Variants in EDN1 observed in about 807,000 individuals in gnomAD.
EDN1 encodes the protein endothelin-1.
In EDN1, 11 loss-of-function variants were observed where a neutral mutation model predicts 21.7. That is an observed-to-expected ratio of 0.51 (90% CI 0.32 to 0.84). The LOEUF (loss-of-function observed/expected upper bound fraction) is 0.84. Among genes scored for constraint, EDN1 ranks in the 40% least tolerant of loss-of-function variants. The probability of loss-of-function intolerance (pLI) is 0.03; values close to 1 mark genes in which losing one functional copy is unlikely to be tolerated. For synonymous variants in EDN1, 85 were observed against 90.6 expected, an observed-to-expected ratio of 0.94 and a Z score of 0.35; for missense variants, 244 against 262.3, an observed-to-expected ratio of 0.93 and a Z score of 0.48.
chr6:12,251,501 G>GATAGAAGT, the EDN1 span, among the ~76,000 whole-genome samples: 1 of 152,194 alleles, frequency 6.6e-6, no homozygotes, highest in Non-Finnish European at 1.5e-5. Context: ...AGGTGACCCT[G>GATAGAAGT]ATAGAAGTGC....
chr6:12,253,720 A>G, the EDN1 span, among the ~76,000 whole-genome samples: 2 of 152,176 alleles, frequency 1.3e-5, no homozygotes, highest in East Asian at 1.9e-4. Flanking sequence ...ATAAAAGTCA[A>G]CACATTCAAA....
chr6:12,237,542 T>C, the EDN1 span, among the ~76,000 whole-genome samples: 1 of 152,158 alleles, frequency 6.6e-6, no homozygotes, highest in African/African-American at 2.4e-5. Context: ...GGGACATCAG[T>C]AAGCAAGAGA....
the EDN1 span, among the ~76,000 whole-genome samples, chr6:12,257,164 T>C: frequency 4.6e-5 from 7 of 152,234 alleles, no homozygotes; most frequent in African/African-American, 1.7e-4. Context: ...CAAGGCCAGA[T>C]ATATTTAAAA....
chr6:12,246,571 C>T, the EDN1 span, among the ~76,000 whole-genome samples: 1 of 152,138 alleles, frequency 6.6e-6, no homozygotes, highest in East Asian at 1.9e-4. Context: ...GTGTAAATGT[C>T]AAGGCTGTGT....
the EDN1 span, among the ~76,000 whole-genome samples, chr6:12,273,423 T>C: frequency 6.6e-6 from 1 of 152,160 alleles, no homozygotes; most frequent in Admixed American, 6.5e-5. Context: ...AACTTAAAAA[T>C]TTTAATAAGG....
chr6:12,261,482 T>C, the EDN1 span, among the ~76,000 whole-genome samples: 1 of 152,202 alleles, frequency 6.6e-6, no homozygotes, highest in South Asian at 2.1e-4. Context: ...TAATGATGGT[T>C]GTGCTGCTCC....
At chr6:12,255,640 A>G in the EDN1 span, among the ~76,000 whole-genome samples, 21 of 152,348 alleles carry the variant, frequency 1.4e-4, no homozygotes, top group South Asian at 3.7e-3. Context: ...GTCTGCTTCA[A>G]CTGGCTTTCT....
the EDN1 span, among the ~76,000 whole-genome samples, chr6:12,231,700 A>G: frequency 6.6e-6 from 1 of 152,144 alleles, no homozygotes; most frequent in African/African-American, 2.4e-5. Context: ...GAAAGACACT[A>G]TAACCCTGAC....
the EDN1 span, among the ~76,000 whole-genome samples, chr6:12,256,361 A>G: frequency 2.6e-5 from 4 of 152,240 alleles, no homozygotes; most frequent in Non-Finnish European, 4.4e-5. Flanking sequence ...AAACAAAACA[A>G]AACCGCAAAA....
At position 12,296,021 on chromosome 6, in the gene EDN1, A is replaced by G. The variant is rs764236555; in HGVS notation, c.593A>G (p.Lys198Arg). 12 of 1,614,118 alleles carry G rather than the reference A, an allele frequency of 7.4e-6. No individual in the cohort carries two copies. The South Asian group carries it at 1.1e-4, about 15-fold the overall frequency. ...SSFHDPKLKG[K>R]PSRERYVTHN... The stretch of plus-strand genomic sequence containing the variant: ...TTTCATGATCCCAAGCTGAAAGGCA[A>G]GCCCTCCAGAGAGCGTTATGTGACC... Residue 198 changes from lysine to arginine, a missense_variant, in exon 5 of 5, where the codon AAG becomes AGG. Coordinates refer to ENST00000379375, the MANE Select transcript of EDN1 (RefSeq NM_001955.5).
intron 1 of EDN1, among the ~76,000 whole-genome samples, chr6:12,291,145 A>G (rs1295571464): frequency 6.6e-6 from 1 of 151,974 alleles, no homozygotes; most frequent in Non-Finnish European, 1.5e-5. Context: ...AAGGAATTGT[A>G]TCCAGTCGTT....
upstream of EDN1, among the ~76,000 whole-genome samples, chr6:12,289,576 T>C (rs1038843923): frequency 3.3e-5 from 5 of 152,204 alleles, no homozygotes; most frequent in African/African-American, 1.2e-4. Context: ...ATCTTAAGAT[T>C]TAAGTTCTGT....
chr6:12,255,042 G>T, the EDN1 span, among the ~76,000 whole-genome samples: 41 of 152,242 alleles, frequency 2.7e-4, no homozygotes, highest in African/African-American at 9.1e-4. Context: ...CAAGAAGCAG[G>T]TAATTTCTTT....
chr6:12,254,558 T>G, the EDN1 span, among the ~76,000 whole-genome samples: 1 of 152,226 alleles, frequency 6.6e-6, no homozygotes, highest in Non-Finnish European at 1.5e-5. Flanking sequence ...CAGAAGGGGT[T>G]TTAATATTAA....
chr6:12,294,459 A>G (rs1762771924), intron 4 of EDN1, 55 bp downstream of exon 4: 1 of 1,603,456 alleles, frequency 6.2e-7, no homozygotes. Flanking sequence ...AACTAGCCCC[A>G]GTCAGTGATG....
chr6:12,239,227 G>A, the EDN1 span, among the ~76,000 whole-genome samples: 4 of 152,156 alleles, frequency 2.6e-5, no homozygotes, highest in Admixed American at 6.5e-5. Flanking sequence ...TGGCTGTGAT[G>A]TATATTACAC....
chr6:12,253,835 T>A, the EDN1 span, among the ~76,000 whole-genome samples: 701 of 152,258 alleles, frequency 4.6e-3, 4 homozygotes, highest in African/African-American at 0.015. Context: ...TGGGCATCAT[T>A]CTTTACTCCT....
chr6:12,291,227 CCCG>C (rs199711907), intron 1 of EDN1, among the ~76,000 whole-genome samples: 2,676 of 105,266 alleles, frequency 0.025, 87 homozygotes, highest in African/African-American at 0.068. Flanking sequence ...TCCCCCCCCC[CCCG>C]CCACCACCCC....
the EDN1 span, among the ~76,000 whole-genome samples, chr6:12,254,393 G>A: frequency 3.9e-5 from 6 of 152,056 alleles, no homozygotes; most frequent in Admixed American, 6.6e-5. Flanking sequence ...AAATCTGGTC[G>A]AGTTCCTATT....
Sources: gnomAD v4.1 joint callset for allele counts (sites outside exome capture counted in the v4.1 genomes callset) on GRCh38, gnomAD v4.1.1 for gene constraint, MANE v1.5 for transcripts, NCBI Gene and HGNC (gene_info 2026-07-23, HGNC 2026-07-21) for gene names.